The following GRID2 variants were observed in gnomAD, a reference collection of about 807,000 sequenced individuals.
The protein encoded by GRID2 is glutamate receptor ionotropic, delta-2.
A neutral mutation model predicts 114.8 loss-of-function variants in GRID2; 33 were observed. The ratio of observed to expected loss-of-function variants is 0.29; its 90% CI spans 0.22 to 0.38. GRID2 has a LOEUF of 0.38. Among genes scored for constraint, GRID2 ranks in the 10% least tolerant of loss-of-function variants. The pLI is 1.00. For missense variants in GRID2, 1,184 were observed against 1,257.7 expected (o/e 0.94, Z 0.89); for synonymous variants, 505 against 449.9 (o/e 1.12, Z -1.55).
chr4:92,505,277 C>T (rs1723901536), intron 1 of GRID2, among the ~76,000 whole-genome samples: 1 of 151,918 alleles, frequency 6.6e-6, no homozygotes, highest in Admixed American at 6.6e-5. Flanking sequence ...AGAATGCTGT[C>T]CATAACTTTT....
At chr4:93,217,648 C>T (rs919249546) in intron 6 of GRID2, among the ~76,000 whole-genome samples, 1 of 151,696 alleles carries the variant, frequency 6.6e-6, no homozygotes, top group Non-Finnish European at 1.5e-5. Flanking sequence ...AGCAGGGAGC[C>T]TTAAGGAGCC....
intron 4 of GRID2, among the ~76,000 whole-genome samples, chr4:93,125,944 C>T (rs1734226082): frequency 6.6e-6 from 1 of 152,124 alleles, no homozygotes; most frequent in African/African-American, 2.4e-5. Context: ...TGCTGAGTGG[C>T]TGTTTTACAG....
At chr4:92,457,325 A>T (rs1387239852) in intron 1 of GRID2, among the ~76,000 whole-genome samples, 1 of 152,066 alleles carries the variant, frequency 6.6e-6, no homozygotes, top group Non-Finnish European at 1.5e-5. Flanking sequence ...CACATTTTCC[A>T]TTGAATTATT....
chr4:92,633,519 C>A (rs143946009), intron 2 of GRID2, among the ~76,000 whole-genome samples: 9 of 152,262 alleles, frequency 5.9e-5, no homozygotes, highest in East Asian at 3.9e-4. Context: ...TAGATCCTAA[C>A]TACCTGGTTT....
chr4:93,779,924 A>G (rs1734446037), intron 1 of GRID2, among the ~76,000 whole-genome samples: 1 of 152,202 alleles, frequency 6.6e-6, no homozygotes, highest in Non-Finnish European at 1.5e-5. Flanking sequence ...AGAGAACACT[A>G]CATCCTGTTT....
chr4:93,756,545 C>T (rs987194487), intron 14 of GRID2, among the ~76,000 whole-genome samples: 2 of 152,110 alleles, frequency 1.3e-5, no homozygotes, highest in African/African-American at 4.8e-5. Flanking sequence ...GCTCACAGGA[C>T]GTCTTCTTCA....
At chr4:92,884,870 G>A in intron 2 of GRID2, 1 of 411,434 alleles carries the variant, frequency 2.4e-6, no homozygotes, top group Non-Finnish European at 5.0e-6. Context: ...TACAGTGTCA[G>A]TTGAGAAATG....
At chr4:93,733,568 G>A (rs796217472) in intron 14 of GRID2, among the ~76,000 whole-genome samples, 1 of 152,180 alleles carries the variant, frequency 6.6e-6, no homozygotes, top group African/African-American at 2.4e-5. Flanking sequence ...CCATCCATAT[G>A]TCACTCTGTC....
At chr4:93,792,097 A>G (rs1295362767) in intron 1 of GRID2, among the ~76,000 whole-genome samples, 1 of 152,196 alleles carries the variant, frequency 6.6e-6, no homozygotes, top group Non-Finnish European at 1.5e-5. Flanking sequence ...TAAAAATGAA[A>G]AGAAATGGAA....
intron 13 of GRID2, among the ~76,000 whole-genome samples, chr4:93,575,490 G>A (rs898750390): frequency 2.0e-5 from 3 of 152,222 alleles, no homozygotes; most frequent in South Asian, 4.2e-4. Context: ...TGTAGAAGCC[G>A]AATCCTTCCC....
At chr4:92,958,142 T>C (rs1902436) in intron 2 of GRID2, among the ~76,000 whole-genome samples, 8,767 of 152,094 alleles carry the variant, frequency 0.058, 451 homozygotes, top group East Asian at 0.19. Flanking sequence ...TATACCTTTA[T>C]TTCTCTTTGT....
rs113279791 is a variant in GRID2 at position 93,763,619 on chromosome 4, C to A, written c.2361-5591C>A. Reference sequence around the variant, plus strand: ...GGAGAGAAATGTGCTGGAAGGCAGACCTGAGTTCTAAGCCCAATTCAACTA... The same window carrying A: ...GGAGAGAAATGTGCTGGAAGGCAGAACTGAGTTCTAAGCCCAATTCAACTA... On this transcript the variant is annotated intron_variant, in intron 14 of 15. Transcript: ENST00000282020. 7.0e-3 allele frequency among the ~76,000 whole-genome samples: 1,072 copies of A among 152,250 alleles called. 15 individuals are homozygous for A. Among genetic ancestry groups the A allele is most frequent in the African/African-American group, 0.025 (1,024 of 41,548 alleles).
In GRID2 at chr4:93,469,468, T is replaced by C. The variant is rs1034050193; in HGVS notation, c.1858+13494T>C. The stretch of plus-strand genomic sequence containing the variant: ...TTTTATTATTTTTATTTATTTAAAA[T>C]GTATATATACCTTCTATTTATCCAT... On this transcript the variant is annotated intron_variant, in intron 11 of 15. Transcript: ENST00000282020. 5.5e-4 allele frequency among the ~76,000 whole-genome samples: 83 copies of C among 152,040 alleles called. 1 individual carries two copies. The highest frequency in any genetic ancestry group is 2.0e-3 in the African/African-American group (82 of 41,558).
intron 1 of GRID2, among the ~76,000 whole-genome samples, chr4:92,555,073 C>A (rs538219701): frequency 6.6e-6 from 1 of 152,152 alleles, no homozygotes; most frequent in Admixed American, 6.6e-5. Flanking sequence ...AGGGTGGGAT[C>A]CAGTCGTGAG....
intron 2 of GRID2, among the ~76,000 whole-genome samples, chr4:93,081,361 AAAC>A (rs1452329559): frequency 6.6e-6 from 1 of 152,202 alleles, no homozygotes; most frequent in Non-Finnish European, 1.5e-5. Flanking sequence ...CTTAGTAAGA[AAAC>A]AAAGACTCAA....
At chr4:93,315,051 C>G (rs1274838082) in intron 8 of GRID2, among the ~76,000 whole-genome samples, 1 of 152,062 alleles carries the variant, frequency 6.6e-6, no homozygotes, top group Non-Finnish European at 1.5e-5. Flanking sequence ...CCTCAGGAAA[C>G]TTACAATGAT....
intron 4 of GRID2, among the ~76,000 whole-genome samples, chr4:93,128,051 A>AAAAAAC: frequency 2.3e-5 from 3 of 130,504 alleles, no homozygotes; most frequent in African/African-American, 1.0e-4. Flanking sequence ...AAAAAAAAAA[A>AAAAAAC]AAAAAAAACA....
At chr4:92,314,882 G>C (rs185992092) in intron 1 of GRID2, among the ~76,000 whole-genome samples, 424 of 152,206 alleles carry the variant, frequency 2.8e-3, no homozygotes, top group Admixed American at 7.1e-3. Flanking sequence ...TATCATTGCA[G>C]CATAGAAATT....
chr4:92,826,233 C>T (rs1653591938), intron 2 of GRID2, among the ~76,000 whole-genome samples: 1 of 152,102 alleles, frequency 6.6e-6, no homozygotes, highest in Admixed American at 6.6e-5. Flanking sequence ...ATGCATCCAA[C>T]TTAGGGTCTT....
Sources: allele counts gnomAD v4.1 joint callset (sites outside exome capture counted in the v4.1 genomes callset), GRCh38; gene constraint gnomAD v4.1.1; transcripts MANE v1.5; gene names NCBI Gene and HGNC (gene_info 2026-07-23, HGNC 2026-07-21).